RNLS: variants seen among roughly 807,000 people sequenced by gnomAD.
RNLS encodes renalase.
RNLS carries 39 observed loss-of-function variants against 39.8 expected under a neutral mutation model. The ratio of observed to expected loss-of-function variants is 0.98; its 90% CI spans 0.76 to 1.28. RNLS has a LOEUF of 1.28. Among genes scored for constraint, RNLS ranks in the 50% most tolerant of loss-of-function variants. The pLI is 0.00. For missense variants in RNLS, 410 were observed against 413.3 expected (o/e 0.99, Z 0.07); for synonymous variants, 147 against 150.7 (o/e 0.98, Z 0.18).
intron 4 of RNLS, among the ~76,000 whole-genome samples, chr10:88,449,459 C>G (rs1453915719): frequency 6.6e-6 from 1 of 152,206 alleles, no homozygotes; most frequent in African/African-American, 2.4e-5. Context: ...ATTCCTCATT[C>G]TGATTAATTT....
the RNLS span, among the ~76,000 whole-genome samples, chr10:88,238,168 C>A: frequency 1.1e-4 from 17 of 152,286 alleles, 1 homozygote; most frequent in East Asian, 2.7e-3. Flanking sequence ...GTACAAGAAC[C>A]AATGCTGGAT....
chr10:88,473,572 C>T (rs147681709), intron 4 of RNLS, among the ~76,000 whole-genome samples: 2,495 of 152,258 alleles, frequency 0.016, 40 homozygotes, highest in Non-Finnish European at 0.019. Flanking sequence ...CTTTACCAAG[C>T]ATGACAAGGT....
At chr10:88,215,366 A>G in the RNLS span, among the ~76,000 whole-genome samples, 1 of 152,156 alleles carries the variant, frequency 6.6e-6, no homozygotes, top group South Asian at 2.1e-4. Flanking sequence ...GGGAGTTTAT[A>G]TAACTAGTAA....
chr10:88,441,057 T>C (rs1841681831), intron 4 of RNLS, among the ~76,000 whole-genome samples: 1 of 152,238 alleles, frequency 6.6e-6, no homozygotes, highest in Non-Finnish European at 1.5e-5. Context: ...TTTCCTTTTT[T>C]AAAAACTCAT....
At chr10:88,543,305 T>C (rs1025055685) in intron 4 of RNLS, among the ~76,000 whole-genome samples, 2 of 152,146 alleles carry the variant, frequency 1.3e-5, no homozygotes, top group African/African-American at 2.4e-5. Context: ...TCCTAGGTTC[T>C]GCCTGTTTGT....
intron 4 of RNLS, among the ~76,000 whole-genome samples, chr10:88,409,064 T>A (rs1302441963): frequency 6.6e-6 from 1 of 152,126 alleles, no homozygotes; most frequent in East Asian, 1.9e-4. Context: ...AATTATTTAC[T>A]GTTTAAAATT....
At chr10:88,339,841 T>C (rs979409759) in intron 5 of RNLS, among the ~76,000 whole-genome samples, 5 of 152,208 alleles carry the variant, frequency 3.3e-5, no homozygotes, top group African/African-American at 1.2e-4. Flanking sequence ...CAAGTGAATA[T>C]GTATGTATGT....
intron 6 of RNLS, among the ~76,000 whole-genome samples, chr10:88,304,799 C>A (rs911825980): frequency 6.6e-6 from 1 of 152,132 alleles, no homozygotes; most frequent in African/African-American, 2.4e-5. Flanking sequence ...GCCTCCCCAT[C>A]CTAGCTAGAG....
intron 6 of RNLS, among the ~76,000 whole-genome samples, chr10:88,297,111 T>C (rs972324441): frequency 6.6e-6 from 1 of 152,196 alleles, no homozygotes; most frequent in South Asian, 2.1e-4. Context: ...TATTTGGTTA[T>C]AGGTTTTTGT....
At chr10:88,386,349 T>C (rs994638436) in intron 4 of RNLS, among the ~76,000 whole-genome samples, 1 of 152,164 alleles carries the variant, frequency 6.6e-6, no homozygotes, top group African/African-American at 2.4e-5. Context: ...ACCAAAAGGC[T>C]AAAATTGGTT....
chr10:88,181,159 A>AAGAT, the RNLS span, among the ~76,000 whole-genome samples: 3 of 152,234 alleles, frequency 2.0e-5, no homozygotes, highest in African/African-American at 7.2e-5. Flanking sequence ...TTCATAATGA[A>AAGAT]AGATGGAGGC....
chr10:88,467,770 A>T (rs1843293708), intron 4 of RNLS, among the ~76,000 whole-genome samples: 1 of 152,122 alleles, frequency 6.6e-6, no homozygotes, highest in African/African-American at 2.4e-5. Context: ...AGCAGCCAAG[A>T]CTCAAAACCA....
At chr10:88,532,001 C>G (rs764969203) in intron 4 of RNLS, among the ~76,000 whole-genome samples, 3 of 152,058 alleles carry the variant, frequency 2.0e-5, no homozygotes, top group Non-Finnish European at 2.9e-5. Context: ...CAACCCCCAT[C>G]TCTACTTAGC....
the RNLS span, among the ~76,000 whole-genome samples, chr10:88,261,192 C>A: frequency 6.6e-6 from 1 of 152,184 alleles, no homozygotes; most frequent in South Asian, 2.1e-4. Flanking sequence ...GGAAGATAAG[C>A]TTTAATATCA....
chr10:88,353,919 G>A (rs1240637728), intron 5 of RNLS, among the ~76,000 whole-genome samples: 1 of 152,178 alleles, frequency 6.6e-6, no homozygotes, highest in African/African-American at 2.4e-5. Flanking sequence ...ATATATTTAG[G>A]ATAGTTAGCT....
In RNLS at chr10:88,362,558, T is replaced by G; in HGVS notation, c.694A>C (p.Asn232His). 6.2e-7 allele frequency: 1 copy of G among 1,613,706 alleles called. No homozygotes were observed. Among genetic ancestry groups the G allele is most frequent in the Non-Finnish European group, 8.5e-7 (1 of 1,179,746 alleles). The change falls in exon 5 of 7, where the codon AAT becomes CAT. Residue 232 changes from asparagine to histidine, a missense_variant. Physicochemically the swap from Asn to His is moderately conservative, Grantham distance 68. Transcript: ENST00000331772. ...AAATAATAGGGGTACTGACCTATAT[T>G]GCGCTTCTTATTATCAATGGAGACG... is the stretch of plus-strand genomic sequence containing the variant. ...RFVSIDNKKR[N>H]IESSEIGPSL...
At chr10:88,505,288 G>C (rs1268437734) in intron 4 of RNLS, among the ~76,000 whole-genome samples, 1 of 151,536 alleles carries the variant, frequency 6.6e-6, no homozygotes, top group African/African-American at 2.4e-5. Context: ...AAAAGAATCT[G>C]GAAGCTTCAA....
chr10:88,329,311 C>T (rs1846901193), intron 5 of RNLS, among the ~76,000 whole-genome samples: 1 of 152,082 alleles, frequency 6.6e-6, no homozygotes, highest in Admixed American at 6.5e-5. Context: ...CCTTAGCTTC[C>T]CAAAGTGCTG....
At chr10:88,414,723 C>T (rs2133721315) in intron 4 of RNLS, among the ~76,000 whole-genome samples, 1 of 152,274 alleles carries the variant, frequency 6.6e-6, no homozygotes, top group East Asian at 1.9e-4. Flanking sequence ...AATTTTCTTG[C>T]TCCAGAAATG....
Sources: allele counts gnomAD v4.1 joint callset (sites outside exome capture counted in the v4.1 genomes callset), GRCh38; gene constraint gnomAD v4.1.1; transcripts MANE v1.5; gene names NCBI Gene and HGNC (gene_info 2026-07-23, HGNC 2026-07-21).